IPP: variants seen among roughly 807,000 people sequenced by gnomAD.
IPP encodes the protein intracisternal A particle-promoted polypeptide, also known as actin-binding protein IPP.
IPP carries 41 observed loss-of-function variants against 64.1 expected under a neutral mutation model. The observed-to-expected ratio is 0.64, with a 90% CI of 0.50 to 0.83. The LOEUF (loss-of-function observed/expected upper bound fraction) is 0.83, where lower values mean the gene tolerates loss of function less well. IPP is among the 40% of genes least tolerant of loss of function. IPP has a pLI of 0.00. For missense variants in IPP, 649 were observed against 703.0 expected (o/e 0.92, Z 0.87); for synonymous variants, 214 against 235.2 (o/e 0.91, Z 0.83).
At chr1:45,744,012 G>A (rs1225225226) in intron 2 of IPP, among the ~76,000 whole-genome samples, 17 of 144,744 alleles carry the variant, frequency 1.2e-4, no homozygotes, top group African/African-American at 2.6e-4. Context: ...GTGAAACCCC[G>A]TCACCAAAAA....
intron 2 of IPP, 62 bp from the exon 3 acceptor site, chr1:45,741,394 C>CA: frequency 8.8e-7 from 1 of 1,139,238 alleles, no homozygotes. Flanking sequence ...TTACCATATT[C>CA]AAAAAGTATT....
chr1:45,721,799 C>T (rs1297111024), intron 5 of IPP, among the ~76,000 whole-genome samples: 2 of 152,236 alleles, frequency 1.3e-5, no homozygotes, highest in Non-Finnish European at 2.9e-5. Context: ...TGGTGGCTAA[C>T]GCCTGTAATC....
At chr1:45,740,656 G>A (rs993809257) in intron 3 of IPP, among the ~76,000 whole-genome samples, 22 of 152,130 alleles carry the variant, frequency 1.4e-4, no homozygotes, top group Non-Finnish European at 2.6e-4. Flanking sequence ...ATCTGCCTTA[G>A]TAATCAATCT....
rs548155213 is a variant in IPP at position 45,723,264 on chromosome 1, T to A, written c.1049-3924A>T. Reference sequence around the variant, plus strand: ...AGGGATTTAAAATTTCTTTTTCATATGCTTCTGTTTTAACAAAATTTTGTA... The same window carrying A: ...AGGGATTTAAAATTTCTTTTTCATAAGCTTCTGTTTTAACAAAATTTTGTA... On this transcript the variant is annotated intron_variant, in intron 5 of 8. Transcript: ENST00000396478. Among the ~76,000 whole-genome samples the A allele has an allele frequency of 7.9e-5, 12 of 152,374 alleles. No homozygotes were observed. The South Asian group carries it at 1.7e-3, about 21-fold the overall frequency.
chr1:45,738,088 A>G (rs79849216), intron 3 of IPP, among the ~76,000 whole-genome samples: 1,603 of 152,294 alleles, frequency 0.011, 30 homozygotes, highest in African/African-American at 0.037. Context: ...TATCACCTAC[A>G]GTTTCAGGCA....
chr1:45,723,126 T>A (rs980010799), intron 5 of IPP, among the ~76,000 whole-genome samples: 15 of 152,174 alleles, frequency 9.9e-5, no homozygotes, highest in Non-Finnish European at 1.9e-4. Flanking sequence ...GTGAATTATA[T>A]CTTAATTTAA....
At chr1:45,748,569 G>A (rs1203373872) in intron 1 of IPP, among the ~76,000 whole-genome samples, 1 of 152,144 alleles carries the variant, frequency 6.6e-6, no homozygotes, top group Non-Finnish European at 1.5e-5. Flanking sequence ...ACTCAGGGGA[G>A]GCTGAGGTGG....
In IPP at chr1:45,699,460, G is replaced by A; in HGVS notation, c.*506C>T. 1 of 988,408 alleles carries A rather than the reference G, an allele frequency of 1.0e-6. No homozygotes were observed. The highest frequency in any genetic ancestry group is 1.2e-6 in the Non-Finnish European group (1 of 831,584). The allele number at this position is 988,408 out of a possible 1,614,324, so 61.2% of individuals were successfully genotyped here. On this transcript the variant is annotated 3_prime_UTR_variant, in exon 9 of 9. Transcript: ENST00000396478. ...ATACTGCACTGGAGAAGTAGCTAAAGGGACTATTTGCCAGGAAGCTTCTAG... is the reference window on the plus strand; with the variant it reads ...ATACTGCACTGGAGAAGTAGCTAAAAGGACTATTTGCCAGGAAGCTTCTAG...
chr1:45,750,359 G>A (rs1317331981), intron 1 of IPP, among the ~76,000 whole-genome samples: 1 of 152,210 alleles, frequency 6.6e-6, no homozygotes, highest in African/African-American at 2.4e-5. Flanking sequence ...TGGGGACACA[G>A]CCTCAGGATT....
chr1:45,744,595 C>A (rs1646110230), intron 2 of IPP, among the ~76,000 whole-genome samples: 1 of 152,072 alleles, frequency 6.6e-6, no homozygotes, highest in Non-Finnish European at 1.5e-5. Context: ...AATCCCAGTA[C>A]TTTGGGAGGC....
Position 45,741,930 on chromosome 1 carries a change from A to C in IPP, c.293-598T>G, listed in dbSNP as rs115720526. Among the ~76,000 whole-genome samples the C allele has an allele frequency of 7.2e-3, 1,094 of 152,000 alleles. 156 individuals carry two copies. The highest frequency in any genetic ancestry group is 0.025 in the African/African-American group (1,054 of 41,336). On this transcript the variant is annotated intron_variant, in intron 2 of 8. Coordinates refer to ENST00000396478, the MANE Select transcript of IPP (RefSeq NM_005897.3). ...GGCGTGAGCCACCGCGCCCAGCCTT[A>C]TTTTCATATTAAAGAAACAGAATCA... is the stretch of plus-strand genomic sequence containing the variant.
intron 8 of IPP, among the ~76,000 whole-genome samples, chr1:45,704,571 C>A (rs1452962021): frequency 2.0e-5 from 3 of 152,066 alleles, no homozygotes; most frequent in Non-Finnish European, 4.4e-5. Context: ...AAGGTATTTA[C>A]AACATGGAAA....
chr1:45,726,201 G>T (rs1645824729), intron 5 of IPP, among the ~76,000 whole-genome samples: 1 of 148,660 alleles, frequency 6.7e-6, no homozygotes, highest in Non-Finnish European at 1.5e-5. Flanking sequence ...GCTCATGTCT[G>T]TAATCCCAGC....
At chr1:45,729,231 G>C (rs768557822) in intron 4 of IPP, among the ~76,000 whole-genome samples, 65 of 151,034 alleles carry the variant, frequency 4.3e-4, no homozygotes, top group Non-Finnish European at 2.2e-4. Flanking sequence ...GGAGATCATT[G>C]GTTCCTATCA....
At chr1:45,740,785 T>A in intron 3 of IPP, 116 bp downstream of exon 3, 3 of 583,170 alleles carry the variant, frequency 5.1e-6, no homozygotes, top group Middle Eastern at 4.4e-4. Flanking sequence ...AAAAAAAGAG[T>A]AATCATTCAA....
At position 45,732,961 on chromosome 1, in the gene IPP, G is replaced by A. The variant is rs145739244; in HGVS notation, c.725-3192C>T. 2.1e-3 allele frequency among the ~76,000 whole-genome samples: 316 copies of A among 151,892 alleles called. 2 individuals are homozygous for A. Among genetic ancestry groups the A allele is most frequent in the African/African-American group, 6.8e-3 (280 of 41,422 alleles). On this transcript the variant is annotated intron_variant, in intron 3 of 8. Coordinates refer to ENST00000396478, the MANE Select transcript of IPP (RefSeq NM_005897.3). ...ATTACAGGTGTGAGCCACCGTGCCC[G>A]GCCTTGAAACATTTAAAGTATTTAG...
chr1:45,746,874 T>C (rs1367639145), intron 1 of IPP, among the ~76,000 whole-genome samples: 1 of 152,212 alleles, frequency 6.6e-6, no homozygotes, highest in East Asian at 1.9e-4. Flanking sequence ...AATCATTCAA[T>C]GTGTACACTT....
intron 3 of IPP, among the ~76,000 whole-genome samples, chr1:45,736,903 C>T (rs1165794091): frequency 2.0e-5 from 3 of 151,596 alleles, no homozygotes; most frequent in South Asian, 2.1e-4. Flanking sequence ...ATTAGCCGGG[C>T]GTGGTGGCGG....
At chr1:45,739,045 C>G (rs1646021736) in intron 3 of IPP, among the ~76,000 whole-genome samples, 1 of 151,996 alleles carries the variant, frequency 6.6e-6, no homozygotes, top group Admixed American at 6.6e-5. Flanking sequence ...TCAACTATAT[C>G]TGTAGTAAAA....
Sources: gnomAD v4.1 joint callset for allele counts (sites outside exome capture counted in the v4.1 genomes callset) on GRCh38, gnomAD v4.1.1 for gene constraint, MANE v1.5 for transcripts, NCBI Gene and HGNC (gene_info 2026-07-23, HGNC 2026-07-21) for gene names.